The following SLC5A3 variants were observed in gnomAD, a reference collection of about 807,000 sequenced individuals.
SLC5A3 encodes the protein solute carrier family 5 member 3.
SLC5A3 carries 10 observed loss-of-function variants against 43.2 expected under a neutral mutation model. That is an observed-to-expected ratio of 0.23 (90% CI 0.14 to 0.39). SLC5A3 has a LOEUF of 0.39. SLC5A3 is among the 10% of genes least tolerant of loss of function. The pLI, the probability that SLC5A3 is intolerant of heterozygous loss-of-function variation, is 1.00. For missense variants in SLC5A3, 608 were observed against 893.4 expected (o/e 0.68, Z 4.07); for synonymous variants, 349 against 322.0 (o/e 1.08, Z -0.90).
rs1171422656 is a variant in SLC5A3, at chr21:34,103,733, T to G, written c.*6378T>G. 2 of 999,824 alleles carry G rather than the reference T, an allele frequency of 2.0e-6. No homozygotes were observed. Among genetic ancestry groups the G allele is most frequent in the East Asian group, 2.3e-4 (2 of 8,834 alleles). 61.9% of individuals were successfully genotyped at this position (999,824 alleles called of 1,614,324 possible). ...GATAAGCCCAAGACAATGCGGTATCTAAACTGGTCCTAATGGTAAGGGACC... is the reference window on the plus strand; with the variant it reads ...GATAAGCCCAAGACAATGCGGTATCGAAACTGGTCCTAATGGTAAGGGACC... On this transcript the variant is annotated 3_prime_UTR_variant, in exon 2 of 2. Transcript: ENST00000381151.
At chr21:34,076,448 AACT>A (rs1158973386) in intron 1 of SLC5A3, among the ~76,000 whole-genome samples, 1 of 152,180 alleles carries the variant, frequency 6.6e-6, no homozygotes, top group Non-Finnish European at 1.5e-5. Context: ...AGTCATATTG[AACT>A]ATACAGTTGT....
chr21:34,101,356 A>G lies in SLC5A3; in HGVS notation c.*4001A>G. 1.0e-6 allele frequency: 1 copy of G among 1,000,180 alleles called. No individual in the cohort carries two copies. The highest frequency in any genetic ancestry group is 4.7e-5 in the South Asian group (1 of 21,280). The allele number at this position is 1,000,180 out of a possible 1,614,324, so 62.0% of individuals were successfully genotyped here. Reference sequence around the variant, plus strand: ...ACCCTGGTTTGATGTTAAGCATTATAAAGTACGAAGTTTGTTACCACAGTA... The same window carrying G: ...ACCCTGGTTTGATGTTAAGCATTATGAAGTACGAAGTTTGTTACCACAGTA... On this transcript the variant is annotated 3_prime_UTR_variant, in exon 2 of 2. Coordinates refer to ENST00000381151, the MANE Select transcript of SLC5A3 (RefSeq NM_006933.7).
At chr21:34,084,938 G>A (rs181088369) in intron 1 of SLC5A3, among the ~76,000 whole-genome samples, 68 of 151,918 alleles carry the variant, frequency 4.5e-4, no homozygotes, top group African/African-American at 1.6e-3. Context: ...TTTAATCTGC[G>A]TTATTTTGAG....
intron 1 of SLC5A3, among the ~76,000 whole-genome samples, chr21:34,090,896 G>A (rs1351653055): frequency 6.6e-6 from 1 of 152,216 alleles, no homozygotes; most frequent in African/African-American, 2.4e-5. Flanking sequence ...CTACATAGAT[G>A]TGGTACCTAC....
In SLC5A3 at chr21:34,096,281, G is replaced by T. The variant is rs1335752219; in HGVS notation, c.1083G>T (p.Val361=). ...GCCTGGTGATGAAGCTGGTTCCTGT[G>T]GGCCTTCGGGGTTTAATGATGGCAG... is the stretch of plus-strand genomic sequence containing the variant. ...YPRLVMKLVP[V]GLRGLMMAVM... is the part of the protein sequence containing the mutation. Residue 361 remains valine, a synonymous_variant, in exon 2 of 2, where the codon GTG becomes GTT. Coordinates refer to ENST00000381151, the MANE Select transcript of SLC5A3 (RefSeq NM_006933.7). The surrounding 1 kb of genome is among the most constrained non-coding windows in gnomAD (Gnocchi z 5.9). 6.2e-7 allele frequency: 1 copy of T among 1,613,998 alleles called. No homozygotes were observed. The highest frequency in any genetic ancestry group is 1.3e-5 in the African/African-American group (1 of 74,908).
chr21:34,074,607 T>G (rs1989279725), intron 1 of SLC5A3, among the ~76,000 whole-genome samples: 1 of 152,154 alleles, frequency 6.6e-6, no homozygotes, highest in African/African-American at 2.4e-5. Context: ...CATGTACTCC[T>G]CAAGTCGTCG....
chr21:34,078,774 A>G (rs1989392132), intron 1 of SLC5A3, among the ~76,000 whole-genome samples: 1 of 152,260 alleles, frequency 6.6e-6, no homozygotes, highest in Non-Finnish European at 1.5e-5. Context: ...TAGAGAACAA[A>G]TGATAAAATA....
rs575254264 is a variant in SLC5A3, at chr21:34,090,831, G to A, written c.-336-4032G>A. On this transcript the variant is annotated intron_variant, in intron 1 of 1. Transcript: ENST00000381151. ...TGAGATCCTACAGTTAGGAAGTGAC[G>A]GAGCATGGAACCCAGCCCTTAAAAA... 5.9e-5 allele frequency among the ~76,000 whole-genome samples: 9 copies of A among 152,276 alleles called. No individual in the cohort carries two copies. The South Asian group carries it at 6.2e-4, about 11-fold the overall frequency.
chr21:34,074,488 C>A lies in SLC5A3; in HGVS notation c.-337+743C>A, dbSNP rs553429190. Among the ~76,000 whole-genome samples, 41 of 152,278 alleles carry A rather than the reference C, an allele frequency of 2.7e-4. 1 individual carries two copies. Among genetic ancestry groups the A allele is most frequent in the Admixed American group, 1.6e-3 (25 of 15,302 alleles). On this transcript the variant is annotated intron_variant, in intron 1 of 1. Transcript: ENST00000381151. ...TGATTGATCTTGAGGTAGGGGATTT[C>A]AGGTTTGGAGGGATGCTAAGCGAAC... is the stretch of plus-strand genomic sequence containing the variant.
Position 34,102,559 on chromosome 21 carries a change from T to C in SLC5A3, c.*5204T>C, listed in dbSNP as rs1979293147. On this transcript the variant is annotated 3_prime_UTR_variant, in exon 2 of 2. Coordinates refer to ENST00000381151, the MANE Select transcript of SLC5A3 (RefSeq NM_006933.7). Reference sequence around the variant, plus strand: ...ATTGCTAATCTTGTGCACTTTACTTTTTGGGCAGTACCATACATAGTCTGA... The same window carrying C: ...ATTGCTAATCTTGTGCACTTTACTTCTTGGGCAGTACCATACATAGTCTGA... The C allele has an allele frequency of 1.0e-6, 1 of 999,972 alleles. No homozygotes were observed. The highest frequency in any genetic ancestry group is 1.2e-6 in the Non-Finnish European group (1 of 829,830). 61.9% of individuals were successfully genotyped at this position (999,972 alleles called of 1,614,324 possible). A position where few individuals can be genotyped will look rare whatever the true frequency, so the allele number is the denominator to read the frequency against.
At position 34,098,677 on chromosome 21, in the gene SLC5A3, G is replaced by A. The variant is rs1979085741; in HGVS notation, c.*1322G>A. 1.5e-5 allele frequency: 15 copies of A among 1,000,244 alleles called. No individual in the cohort carries two copies. The highest frequency in any genetic ancestry group is 1.8e-5 in the Non-Finnish European group (15 of 829,986). 62.0% of individuals were successfully genotyped at this position (1,000,244 alleles called of 1,614,324 possible). ...AACAAGAACTTTTGGGGTTAGTAGT[G>A]TGTCTTGTGGAGGGTATTACAGGAC... is the stretch of plus-strand genomic sequence containing the variant. On this transcript the variant is annotated 3_prime_UTR_variant, in exon 2 of 2. Transcript: ENST00000381151.
In SLC5A3 at chr21:34,073,713, G is replaced by A. The variant is rs1352879706; in HGVS notation, c.-369G>A. 1 of 1,528,030 alleles carries A rather than the reference G, an allele frequency of 6.5e-7. No individual in the cohort carries two copies. Among genetic ancestry groups the A allele is most frequent in the Non-Finnish European group, 8.8e-7 (1 of 1,131,310 alleles). The allele number at this position is 1,528,030 out of a possible 1,614,324, so 94.7% of individuals were successfully genotyped here. The stretch of plus-strand genomic sequence containing the variant: ...CGATCCTCCAGGCATGCCCCGCTAC[G>A]AGCTGGCTTTAATCCTGAAAGCCAT... On this transcript the variant is annotated 5_prime_UTR_variant, in exon 1 of 2. Coordinates refer to ENST00000381151, the MANE Select transcript of SLC5A3 (RefSeq NM_006933.7).
intron 1 of SLC5A3, among the ~76,000 whole-genome samples, chr21:34,085,656 C>T (rs1978335365): frequency 6.7e-6 from 1 of 150,156 alleles, no homozygotes; most frequent in African/African-American, 2.5e-5. Flanking sequence ...GCTGGAGTGC[C>T]AGTGGCGTGA....
chr21:34,083,076 G>C (rs998259692), intron 1 of SLC5A3, among the ~76,000 whole-genome samples: 4 of 152,148 alleles, frequency 2.6e-5, no homozygotes, highest in African/African-American at 9.7e-5. Flanking sequence ...TTTTGTCTTT[G>C]TTTTGACTTG....
intron 1 of SLC5A3, among the ~76,000 whole-genome samples, chr21:34,075,754 A>G (rs888036060): frequency 1.3e-5 from 2 of 152,234 alleles, no homozygotes; most frequent in African/African-American, 4.8e-5. Flanking sequence ...TAGCTTGTAA[A>G]TGTGGCACAA....
At position 34,099,073 on chromosome 21, in the gene SLC5A3, C is replaced by T. The variant is rs182934815; in HGVS notation, c.*1718C>T. The T allele has an allele frequency of 1.0e-6, 1 of 999,032 alleles. No homozygotes were observed. Among genetic ancestry groups the T allele is most frequent in the African/African-American group, 1.7e-5 (1 of 57,298 alleles). 61.9% of individuals were successfully genotyped at this position (999,032 alleles called of 1,614,324 possible). On this transcript the variant is annotated 3_prime_UTR_variant, in exon 2 of 2. Transcript: ENST00000381151. ...GTCCAAAGTTAATTTTAGAAATTGTCAGGTAGCATAGTGTCTTCCCATGAT... is the reference window on the plus strand; with the variant it reads ...GTCCAAAGTTAATTTTAGAAATTGTTAGGTAGCATAGTGTCTTCCCATGAT...
Position 34,095,902 on chromosome 21 carries a change from A to G in SLC5A3, c.704A>G (p.Asn235Ser), listed in dbSNP as rs1324933432. 1 of 1,614,074 alleles carries G rather than the reference A, an allele frequency of 6.2e-7. No individual in the cohort carries two copies. Among genetic ancestry groups the G allele is most frequent in the South Asian group, 1.1e-5 (1 of 91,084 alleles). ...ATCTTATTGACATACAACCTTTCCA[A>G]CACAAATTCTTGTAATGTCTCCCCT... ...TSILLTYNLS[N>S]TNSCNVSPKK... The change falls in exon 2 of 2, where the codon AAC becomes AGC. Residue 235 changes from asparagine (N) to serine (S), a missense_variant. Transcript: ENST00000381151.
rs576490625 is a variant in SLC5A3, at chr21:34,101,931, T to C, written c.*4576T>C. 1.0e-6 allele frequency: 1 copy of C among 1,000,118 alleles called. No individual in the cohort carries two copies. Among genetic ancestry groups the C allele is most frequent in the East Asian group, 1.1e-4 (1 of 8,820 alleles). 62.0% of individuals were successfully genotyped at this position (1,000,118 alleles called of 1,614,324 possible). On this transcript the variant is annotated 3_prime_UTR_variant, in exon 2 of 2. Transcript: ENST00000381151. ...CCCCTTTGAAATGATGGTGTCAGAG[T>C]GCAGAGAAACAATGGAGTTTTGATG... is the stretch of plus-strand genomic sequence containing the variant.
chr21:34,096,406 G>C lies in SLC5A3; in HGVS notation c.1208G>C (p.Ser403Thr). The C allele has an allele frequency of 2.5e-6, 4 of 1,614,232 alleles. No individual in the cohort carries two copies. Among genetic ancestry groups the C allele is most frequent in the Non-Finnish European group, 3.4e-6 (4 of 1,180,032 alleles). ...DVYKLIRKSA[S>T]SRELMIVGRI... ...TACAAACTTATCCGCAAGAGCGCAA[G>C]CTCCCGGGAGTTAATGATTGTGGGG... The change falls in exon 2 of 2, where the codon AGC (serine) becomes ACC (threonine). Residue 403 changes from serine to threonine, a missense_variant. Physicochemically the swap from Ser to Thr is moderately conservative, Grantham distance 58 (BLOSUM62 1). Coordinates refer to ENST00000381151, the MANE Select transcript of SLC5A3 (RefSeq NM_006933.7). This position sits in a 1 kb window ranked among gnomAD's most constrained non-coding sequence, Gnocchi z 5.9.
Sources: gnomAD v4.1 joint callset for allele counts (sites outside exome capture counted in the v4.1 genomes callset) on GRCh38, gnomAD v4.1.1 for gene constraint, Gnocchi (gnomAD v3.1) non-coding constraint, MANE v1.5 for transcripts, NCBI Gene and HGNC (gene_info 2026-07-23, HGNC 2026-07-21) for gene names.